The following DCTN4 variants were observed in gnomAD, a reference collection of about 807,000 sequenced individuals.
DCTN4 encodes dynactin subunit 4.
In DCTN4, 23 loss-of-function variants were observed where a neutral mutation model predicts 62.7. The ratio of observed to expected loss-of-function variants is 0.37; its 90% CI spans 0.26 to 0.52. DCTN4 has a LOEUF of 0.52. Ranked by LOEUF, DCTN4 falls within the 20% of genes least tolerant of loss-of-function variation. The pLI, the probability that DCTN4 is intolerant of heterozygous loss-of-function variation, is 0.92. For missense variants in DCTN4, 514 were observed against 580.4 expected, an observed-to-expected ratio of 0.89 and a Z score of 1.18; for synonymous variants, 199 against 202.1, an observed-to-expected ratio of 0.98 and a Z score of 0.13.
intron 10 of DCTN4, among the ~76,000 whole-genome samples, chr5:150,719,304 G>C (rs1759880121): frequency 6.6e-6 from 1 of 152,172 alleles, no homozygotes; most frequent in African/African-American, 2.4e-5. Flanking sequence ...CTGGGTGTGT[G>C]TGTGGAAGGA....
intron 2 of DCTN4, chr5:150,755,485 A>AT (rs1343591788): frequency 4.4e-6 from 2 of 455,800 alleles, no homozygotes; most frequent in Non-Finnish European, 8.8e-6. Context: ...GTGACAAGTC[A>AT]TAAGTATTTA....
chr5:150,729,229 TTTTC>T (rs1760269655), intron 8 of DCTN4, among the ~76,000 whole-genome samples: 1 of 151,418 alleles, frequency 6.6e-6, no homozygotes, highest in East Asian at 1.9e-4. Context: ...TGCCCCTTCT[TTTTC>T]TTTCTTTTTA....
At chr5:150,732,148 T>C (rs1280446648) in intron 5 of DCTN4, among the ~76,000 whole-genome samples, 1 of 152,216 alleles carries the variant, frequency 6.6e-6, no homozygotes. Flanking sequence ...TGTTTTTAAA[T>C]TCTAATCTAG....
At chr5:150,746,933 G>T (rs1296447602) in intron 3 of DCTN4, among the ~76,000 whole-genome samples, 1 of 152,108 alleles carries the variant, frequency 6.6e-6, no homozygotes, top group African/African-American at 2.4e-5. Flanking sequence ...TGGGAGTTCT[G>T]GCCAGGGCAA....
At chr5:150,723,096 G>C in intron 8 of DCTN4, 116 bp from the exon 9 acceptor site, 1 of 707,278 alleles carries the variant, frequency 1.4e-6, no homozygotes, top group Non-Finnish European at 2.3e-6. Context: ...GTTTTGTTCT[G>C]CTATAAGACC....
intron 2 of DCTN4, 58 bp from the exon 3 acceptor site, chr5:150,753,715 G>C: frequency 6.5e-7 from 1 of 1,529,402 alleles, no homozygotes; most frequent in Admixed American, 1.9e-5. Flanking sequence ...GAATTCAAGA[G>C]AGAACAAATA....
At chr5:150,729,451 T>C (rs1189237478) in intron 8 of DCTN4, among the ~76,000 whole-genome samples, 1 of 152,042 alleles carries the variant, frequency 6.6e-6, no homozygotes, top group Admixed American at 6.6e-5. Context: ...CTTGTTTCAT[T>C]TATACTCTTA....
At chr5:150,722,800 ATTTTT>A in intron 9 of DCTN4, 102 bp downstream of exon 9, 1 of 585,990 alleles carries the variant, frequency 1.7e-6, no homozygotes, top group Non-Finnish European at 2.8e-6. Context: ...TTTTGATGTA[ATTTTT>A]TTTTTTTTAG....
chr5:150,728,168 G>A (rs1760223503), intron 8 of DCTN4, among the ~76,000 whole-genome samples: 2 of 152,112 alleles, frequency 1.3e-5, no homozygotes, highest in Admixed American at 6.6e-5. Flanking sequence ...GTTCAAAAGA[G>A]AAAGTCTTGT....
At chr5:150,728,800 T>G (rs1476087416) in intron 8 of DCTN4, among the ~76,000 whole-genome samples, 1 of 152,144 alleles carries the variant, frequency 6.6e-6, no homozygotes. Context: ...TGTCTTTTAA[T>G]GGAAGCATTT....
At chr5:150,720,791 A>G (rs1759931872) in intron 9 of DCTN4, among the ~76,000 whole-genome samples, 1 of 152,218 alleles carries the variant, frequency 6.6e-6, no homozygotes, top group African/African-American at 2.4e-5. Flanking sequence ...GAGCATCTGT[A>G]TTAAGATAGC....
At chr5:150,730,054 C>T (rs1296451011) in intron 8 of DCTN4, among the ~76,000 whole-genome samples, 2 of 152,208 alleles carry the variant, frequency 1.3e-5, no homozygotes, top group African/African-American at 4.8e-5. Context: ...TGACTCAGTA[C>T]CTCAGCTGCA....
intron 8 of DCTN4, among the ~76,000 whole-genome samples, chr5:150,724,837 A>G (rs1760081950): frequency 6.6e-6 from 1 of 152,066 alleles, no homozygotes. Context: ...GTGCATACCT[A>G]CCATGCACTT....
chr5:150,734,882 T>G (rs1760519098), intron 4 of DCTN4, among the ~76,000 whole-genome samples: 1 of 152,156 alleles, frequency 6.6e-6, no homozygotes, highest in South Asian at 2.1e-4. Flanking sequence ...CCTACTTCCC[T>G]GGCCACCAGT....
In DCTN4 at chr5:150,711,293, AC is replaced by A; in HGVS notation, c.1238del (p.Gly413ValfsTer3). 6.2e-7 allele frequency: 1 copy of A among 1,612,824 alleles called. No homozygotes were observed. Among genetic ancestry groups the A allele is most frequent in the Non-Finnish European group, 8.5e-7 (1 of 1,179,914 alleles). ...TCATCTTGAAGCACACGGTCACTTC[AC>A]CCTCCTCACGCTGTGGTGTAACTTT... Reference protein sequence around the residue: ...FIKVTPQREEGEVTVCFKMKH... With the variant: ...FIKVTPQREEXEVTVCFKMKH... On this transcript the variant is annotated frameshift_variant, in exon 13 of 13. Coordinates refer to ENST00000447998, the MANE Select transcript of DCTN4 (RefSeq NM_016221.4). LOFTEE classifies it high-confidence loss of function.
intron 4 of DCTN4, among the ~76,000 whole-genome samples, chr5:150,735,279 T>C (rs563872499): frequency 9.2e-5 from 14 of 152,294 alleles, no homozygotes; most frequent in Admixed American, 2.6e-4. Flanking sequence ...CAACAGCTAA[T>C]TCCACCACCT....
At chr5:150,741,251 T>C (rs1288469971) in intron 4 of DCTN4, among the ~76,000 whole-genome samples, 1 of 152,064 alleles carries the variant, frequency 6.6e-6, no homozygotes, top group African/African-American at 2.4e-5. Flanking sequence ...TCTGCCCAAG[T>C]TGACTTTTCT....
intron 6 of DCTN4, 65 bp downstream of exon 6, chr5:150,731,351 C>A: frequency 2.9e-6 from 4 of 1,361,588 alleles, no homozygotes; most frequent in Non-Finnish European, 3.1e-6. Flanking sequence ...GTTTTAATCT[C>A]ATTTATTTGA....
chr5:150,721,587 T>A (rs1318402297), intron 9 of DCTN4, among the ~76,000 whole-genome samples: 1 of 152,194 alleles, frequency 6.6e-6, no homozygotes, highest in Non-Finnish European at 1.5e-5. Context: ...TCCTATCAAA[T>A]CTTAGTTTCT....
Sources: gnomAD v4.1 joint callset for allele counts (sites outside exome capture counted in the v4.1 genomes callset) on GRCh38, gnomAD v4.1.1 for gene constraint, MANE v1.5 for transcripts, NCBI Gene and HGNC (gene_info 2026-07-23, HGNC 2026-07-21) for gene names.